RPL14: variants seen among roughly 807,000 people sequenced by gnomAD.
The protein encoded by RPL14 is ribosomal protein L14, also known as large ribosomal subunit protein eL14.
In RPL14, 4 loss-of-function variants were observed where a neutral mutation model predicts 25.3. The observed-to-expected ratio is 0.16, with a 90% confidence interval of 0.08 to 0.36. The LOEUF is 0.36. RPL14 is among the 10% of genes least tolerant of loss of function. The probability of loss-of-function intolerance (pLI) is 1.00; values close to 1 mark genes in which losing one functional copy is unlikely to be tolerated. For missense variants in RPL14, 212 were observed against 261.9 expected (o/e 0.81, Z 1.31); for synonymous variants, 75 against 89.8 (o/e 0.84, Z 0.93).
At position 40,467,295 on chromosome 3, in the gene RPL14, C is replaced by G. The variant is rs1697041437; in HGVS notation, c.*5063C>G. ...AGATTGTGGAAACCAAGAAGTCCCA[C>G]AAAATACCATCTGCAAGCTGGAGAA... On this transcript the variant is annotated 3_prime_UTR_variant, in exon 6 of 6. Coordinates refer to ENST00000396203, the MANE Select transcript of RPL14 (RefSeq NM_001034996.3). The G allele has an allele frequency of 6.6e-6, 1 of 152,054 alleles. No individual in the cohort carries two copies. Among genetic ancestry groups the G allele is most frequent in the Non-Finnish European group, 1.5e-5 (1 of 68,032 alleles). The allele number at this position is 152,054 out of a possible 1,614,324, so 9.4% of individuals were successfully genotyped here.
chr3:40,458,719 C>T lies in RPL14; in HGVS notation c.183C>T (p.Ile61=). The change falls in exon 3 of 6, where the codon ATC becomes ATT. Residue 61 remains isoleucine (I), a synonymous_variant. Coordinates refer to ENST00000396203, the MANE Select transcript of RPL14 (RefSeq NM_001034996.3). ...AGTGCATGCAGCTCACTGATTTCAT[C>T]CTCAAGTTTCCGCACAGGTAACTGT... The part of the protein sequence containing the change: ...PFKCMQLTDF[I]LKFPHSAHQK... 6.2e-7 allele frequency: 1 copy of T among 1,614,034 alleles called. No homozygotes were observed. The highest frequency in any genetic ancestry group is 8.5e-7 in the Non-Finnish European group (1 of 1,179,884).
intron 3 of RPL14, among the ~76,000 whole-genome samples, chr3:40,459,880 AC>A: frequency 6.7e-6 from 1 of 150,308 alleles, no homozygotes; most frequent in Non-Finnish European, 1.5e-5. Context: ...AAAAAAAAAA[AC>A]TTACTGTATG....
chr3:40,462,323 T>TA lies in RPL14; in HGVS notation c.*92dup. The TA allele has an allele frequency of 1.6e-6, 2 of 1,261,462 alleles. No homozygotes were observed. Among genetic ancestry groups the TA allele is most frequent in the South Asian group, 3.3e-5 (2 of 60,976 alleles). The allele number at this position is 1,261,462 out of a possible 1,614,324, so 78.1% of individuals were successfully genotyped here. A position where few individuals can be genotyped will look rare whatever the true frequency, so the allele number is the denominator to read the frequency against. On this transcript the variant is annotated 3_prime_UTR_variant, in exon 6 of 6. Transcript: ENST00000396203. ...ATTTAAAGCCTGTTGAGGCTGGAGT[T>TA]AGGAGGCAGATTGATAGTAGGATTA...
In RPL14 at chr3:40,465,826, A is replaced by G. The variant is rs1697019709; in HGVS notation, c.*3594A>G. On this transcript the variant is annotated 3_prime_UTR_variant, in exon 6 of 6. Transcript: ENST00000396203. ...TGGAAATTCCAATCTTGGAATCTCT[A>G]GGAAAGTAACTGAGGCATACGATGC... 1 of 152,246 alleles carries G rather than the reference A, an allele frequency of 6.6e-6. No individual in the cohort carries two copies. The highest frequency in any genetic ancestry group is 2.4e-5 in the African/African-American group (1 of 41,462). 9.4% of individuals were successfully genotyped at this position (152,246 alleles called of 1,614,324 possible). A position where few individuals can be genotyped will look rare whatever the true frequency, so the allele number is the denominator to read the frequency against.
At position 40,466,541 on chromosome 3, in the gene RPL14, A is replaced by G. The variant is rs1332257513; in HGVS notation, c.*4309A>G. 1 of 145,134 alleles carries G rather than the reference A, an allele frequency of 6.9e-6. No homozygotes were observed. Among genetic ancestry groups the G allele is most frequent in the East Asian group, 2.0e-4 (1 of 4,918 alleles). The allele number at this position is 145,134 out of a possible 1,614,324, so 9.0% of individuals were successfully genotyped here. ...AAAAAAAAAAAAAAAAAAATGGCTG[A>G]TTTCAGAGTCATATTCAGGTTTAAA... On this transcript the variant is annotated 3_prime_UTR_variant, in exon 6 of 6. Coordinates refer to ENST00000396203, the MANE Select transcript of RPL14 (RefSeq NM_001034996.3).
chr3:40,460,399 C>T (rs6788282), intron 3 of RPL14, among the ~76,000 whole-genome samples: 147,564 of 151,926 alleles, frequency 0.97, 71,757 homozygotes, highest in East Asian at 1. Flanking sequence ...ACTCCTGTAG[C>T]CCCAGCTATT....
In RPL14 at chr3:40,464,721, A is replaced by C; in HGVS notation, c.*2489A>C. On this transcript the variant is annotated 3_prime_UTR_variant, in exon 6 of 6. Coordinates refer to ENST00000396203, the MANE Select transcript of RPL14 (RefSeq NM_001034996.3). ...ATGAAGTTTGGCAGTAATCCAAGGAAGTGACAGTGGTAATGCCATTTAGGT... is the reference window on the plus strand; with the variant it reads ...ATGAAGTTTGGCAGTAATCCAAGGACGTGACAGTGGTAATGCCATTTAGGT... 1 of 323,244 alleles carries C rather than the reference A, an allele frequency of 3.1e-6. No individual in the cohort carries two copies. Among genetic ancestry groups the C allele is most frequent in the Non-Finnish European group, 6.2e-6 (1 of 160,302 alleles). 20.0% of individuals were successfully genotyped at this position (323,244 alleles called of 1,614,324 possible). A position where few individuals can be genotyped will look rare whatever the true frequency, so the allele number is the denominator to read the frequency against.
intron 3 of RPL14, among the ~76,000 whole-genome samples, chr3:40,460,752 T>TTG (rs1669046492): frequency 6.6e-6 from 1 of 152,160 alleles, no homozygotes; most frequent in South Asian, 2.1e-4. Context: ...CAGCTAATTT[T>TTG]TGTGTTTTTA....
Position 40,461,398 on chromosome 3 carries a change from T to G in RPL14, c.201-9T>G. ...TGATTTCTTAATCTGTGGTCTTGGC[T>G]CGTTCTAGTGCCCACCAGAAGTATG... On this transcript the variant is annotated splice_polypyrimidine_tract_variant and intron_variant, in intron 3 of 5. Transcript: ENST00000396203. The G allele has an allele frequency of 6.2e-7, 1 of 1,613,462 alleles. No homozygotes were observed. The highest frequency in any genetic ancestry group is 8.5e-7 in the Non-Finnish European group (1 of 1,179,490).
In RPL14 at chr3:40,457,968, G is replaced by T. The variant is rs772853082; in HGVS notation, c.82G>T (p.Val28Leu). 6.2e-7 allele frequency: 1 copy of T among 1,614,192 alleles called. No individual in the cohort carries two copies. Among genetic ancestry groups the T allele is most frequent in the Admixed American group, 1.7e-5 (1 of 60,022 alleles). The change falls in exon 2 of 6, where the codon GTA becomes TTA. Residue 28 changes from valine (V) to leucine (L), a missense_variant. Val to Leu is a conservative substitution (Grantham distance 32). Transcript: ENST00000396203. Reference protein sequence around the residue: ...GPHAGKLVAIVDVIDQNRALV... With the variant: ...GPHAGKLVAILDVIDQNRALV... ...TCATGCCGGAAAATTGGTCGCGATT[G>T]TAGATGTTATTGATCAGAACAGGGT...
At chr3:40,459,440 G>A (rs1050798849) in intron 3 of RPL14, among the ~76,000 whole-genome samples, 2 of 152,190 alleles carry the variant, frequency 1.3e-5, no homozygotes, top group African/African-American at 2.4e-5. Flanking sequence ...GCAGTGAATA[G>A]CAGTTCTTTT....
rs1031810778 is a variant in RPL14, at chr3:40,465,363, GA to G, written c.*3134del. The G allele has an allele frequency of 6.6e-5, 10 of 152,206 alleles. No homozygotes were observed. The highest frequency in any genetic ancestry group is 2.4e-4 in the African/African-American group (10 of 41,416). 9.4% of individuals were successfully genotyped at this position (152,206 alleles called of 1,614,324 possible). On this transcript the variant is annotated 3_prime_UTR_variant, in exon 6 of 6. Coordinates refer to ENST00000396203, the MANE Select transcript of RPL14 (RefSeq NM_001034996.3). Reference sequence around the variant, plus strand: ...GATGGGCATGTTCAAATGCTTCTGGGAAAGGAGCTAATAGGAGAGAAACTTA... The same window carrying G: ...GATGGGCATGTTCAAATGCTTCTGGGAAGGAGCTAATAGGAGAGAAACTTA...
rs1194438516 is a variant in RPL14 at position 40,468,402 on chromosome 3, G to A, written c.*6170G>A. 1.3e-5 allele frequency: 2 copies of A among 152,184 alleles called. No individual in the cohort carries two copies. Among genetic ancestry groups the A allele is most frequent in the Admixed American group, 6.6e-5 (1 of 15,256 alleles). 9.4% of individuals were successfully genotyped at this position (152,184 alleles called of 1,614,324 possible). A position where few individuals can be genotyped will look rare whatever the true frequency, so the allele number is the denominator to read the frequency against. ...ATCTCTTAAATTTTTGCCAGTGTGT[G>A]AAAAGTAGTATCTTACTTTAACTTG... is the stretch of plus-strand genomic sequence containing the variant. On this transcript the variant is annotated 3_prime_UTR_variant, in exon 6 of 6. Transcript: ENST00000396203.
Position 40,464,451 on chromosome 3 carries a change from T to C in RPL14, c.*2219T>C, listed in dbSNP as rs1049635366. On this transcript the variant is annotated 3_prime_UTR_variant, in exon 6 of 6. Transcript: ENST00000396203. ...AATTGTCTAGAGAAAGTGGCATCTA[T>C]ACCTAAAATAAGAAGAAGGTGGTGT... 3.5e-5 allele frequency: 16 copies of C among 455,890 alleles called. No homozygotes were observed. Among genetic ancestry groups the C allele is most frequent in the African/African-American group, 2.8e-4 (14 of 50,066 alleles). 28.2% of individuals were successfully genotyped at this position (455,890 alleles called of 1,614,324 possible).
chr3:40,461,306 TGTG>T, intron 3 of RPL14, 98 bp from the exon 4 acceptor site: 1 of 887,526 alleles, frequency 1.1e-6, no homozygotes, highest in Non-Finnish European at 1.8e-6. Flanking sequence ...TACCAGGTGT[TGTG>T]TAACAGGAAG....
Position 40,462,340 on chromosome 3 carries a change from G to A in RPL14, c.*108G>A. The A allele has an allele frequency of 5.5e-6, 5 of 909,228 alleles. No individual in the cohort carries two copies. The highest frequency in any genetic ancestry group is 8.1e-6 in the Non-Finnish European group (5 of 618,606). The allele number at this position is 909,228 out of a possible 1,614,324, so 56.3% of individuals were successfully genotyped here. A position where few individuals can be genotyped will look rare whatever the true frequency, so the allele number is the denominator to read the frequency against. On this transcript the variant is annotated 3_prime_UTR_variant, in exon 6 of 6. Coordinates refer to ENST00000396203, the MANE Select transcript of RPL14 (RefSeq NM_001034996.3). ...GCTGGAGTTAGGAGGCAGATTGATA[G>A]TAGGATTATAATAAACATTAAATAA...
Position 40,465,747 on chromosome 3 carries a change from G to A in RPL14, c.*3515G>A, listed in dbSNP as rs1697018819. 6.6e-6 allele frequency: 1 copy of A among 152,172 alleles called. No individual in the cohort carries two copies. The highest frequency in any genetic ancestry group is 2.4e-5 in the African/African-American group (1 of 41,436). 9.4% of individuals were successfully genotyped at this position (152,172 alleles called of 1,614,324 possible). A position where few individuals can be genotyped will look rare whatever the true frequency, so the allele number is the denominator to read the frequency against. The stretch of plus-strand genomic sequence containing the variant: ...CAGAGGATGAGAAAGCTTCAGGGTA[G>A]AAGCAGTATTCAAGCTGCACCTAGA... On this transcript the variant is annotated 3_prime_UTR_variant, in exon 6 of 6. Transcript: ENST00000396203.
In RPL14 at chr3:40,462,917, T is replaced by A. The variant is rs1559529684; in HGVS notation, c.*685T>A. The A allele has an allele frequency of 6.6e-6, 1 of 151,906 alleles. No homozygotes were observed. Among genetic ancestry groups the A allele is most frequent in the African/African-American group, 2.4e-5 (1 of 41,212 alleles). 9.4% of individuals were successfully genotyped at this position (151,906 alleles called of 1,614,324 possible). On this transcript the variant is annotated 3_prime_UTR_variant, in exon 6 of 6. Coordinates refer to ENST00000396203, the MANE Select transcript of RPL14 (RefSeq NM_001034996.3). ...GATGCTCAAGAGTCTAGCAGATTTA[T>A]TTTATTTATTTATTTTTTTTTTTTG...
In RPL14 at chr3:40,462,395, G is replaced by A. The variant is rs1277417561; in HGVS notation, c.*163G>A. The A allele has an allele frequency of 2.5e-5, 11 of 439,472 alleles. No homozygotes were observed. Among genetic ancestry groups the A allele is most frequent in the South Asian group, 1.1e-4 (4 of 36,226 alleles). The allele number at this position is 439,472 out of a possible 1,614,324, so 27.2% of individuals were successfully genotyped here. A position where few individuals can be genotyped will look rare whatever the true frequency, so the allele number is the denominator to read the frequency against. On this transcript the variant is annotated 3_prime_UTR_variant, in exon 6 of 6. Coordinates refer to ENST00000396203, the MANE Select transcript of RPL14 (RefSeq NM_001034996.3). ...TTCCTTTTTTTTTTTTTTTTTTTTT[G>A]AGATGGAGTCTCGTTCTGTTGCTCA...
Sources: allele counts gnomAD v4.1 joint callset (sites outside exome capture counted in the v4.1 genomes callset), GRCh38; gene constraint gnomAD v4.1.1; transcripts MANE v1.5; gene names NCBI Gene and HGNC (gene_info 2026-07-23, HGNC 2026-07-21).